The following CAMK2D variants were observed in gnomAD, a reference collection of about 807,000 sequenced individuals.
The protein encoded by CAMK2D is calcium/calmodulin-dependent protein kinase type II subunit delta.
A neutral mutation model predicts 84.0 loss-of-function variants in CAMK2D; 37 were observed. That is an observed-to-expected ratio of 0.44 (90% CI 0.34 to 0.58). The LOEUF (loss-of-function observed/expected upper bound fraction) is 0.58, where lower values mean the gene tolerates loss of function less well. CAMK2D is among the 20% of genes least tolerant of loss of function. The pLI, the probability that CAMK2D is intolerant of heterozygous loss-of-function variation, is 0.02. For missense variants in CAMK2D, 448 were observed against 652.5 expected, an observed-to-expected ratio of 0.69 and a Z score of 3.41; for synonymous variants, 202 against 212.5, an observed-to-expected ratio of 0.95 and a Z score of 0.43.
chr4:113,468,882 A>G (rs2097511287), intron 16 of CAMK2D, among the ~76,000 whole-genome samples: 1 of 152,172 alleles, frequency 6.6e-6, no homozygotes, highest in Admixed American at 6.5e-5. Flanking sequence ...TAATCGCAGG[A>G]AGCTGTTTAC....
intron 3 of CAMK2D, among the ~76,000 whole-genome samples, chr4:113,635,512 G>A (rs954618135): frequency 1.3e-5 from 2 of 152,150 alleles, no homozygotes; most frequent in Non-Finnish European, 2.9e-5. Flanking sequence ...AGGAAAAGGA[G>A]CTTATTTCTG....
intron 2 of CAMK2D, among the ~76,000 whole-genome samples, chr4:113,664,037 AC>A (rs2099248063): frequency 6.6e-6 from 1 of 152,194 alleles, no homozygotes; most frequent in Non-Finnish European, 1.5e-5. Flanking sequence ...TAGTGCACTG[AC>A]ACACACAGAA....
At chr4:113,679,482 T>G (rs2099331903) in intron 2 of CAMK2D, 5 of 958,024 alleles carry the variant, frequency 5.2e-6, no homozygotes, top group Non-Finnish European at 6.2e-6. Context: ...TTCTCCAGTC[T>G]CTGCTTTTTC....
chr4:113,691,025 T>C (rs2099385539), intron 2 of CAMK2D, among the ~76,000 whole-genome samples: 1 of 152,216 alleles, frequency 6.6e-6, no homozygotes, highest in Non-Finnish European at 1.5e-5. Flanking sequence ...AGCAGAGTAA[T>C]TAAGATTCAC....
intron 8 of CAMK2D, among the ~76,000 whole-genome samples, chr4:113,519,104 GA>G (rs1354584185): frequency 6.6e-6 from 1 of 152,038 alleles, no homozygotes; most frequent in African/African-American, 2.4e-5. Flanking sequence ...GAGGCAAGTA[GA>G]AAAAAAGCTG....
At chr4:113,509,757 T>G in intron 12 of CAMK2D, 82 bp from the exon 13 acceptor site, 1 of 959,706 alleles carries the variant, frequency 1.0e-6, no homozygotes, top group African/African-American at 1.6e-5. Context: ...GGTTATTGTC[T>G]CCTTCTACCA....
At chr4:113,740,444 A>G (rs2099590181) in intron 2 of CAMK2D, among the ~76,000 whole-genome samples, 1 of 152,118 alleles carries the variant, frequency 6.6e-6, no homozygotes, top group Non-Finnish European at 1.5e-5. Context: ...ACCTATAGAG[A>G]CAGAAAATAG....
At chr4:113,508,791 A>G (rs1046465682) in intron 13 of CAMK2D, among the ~76,000 whole-genome samples, 5 of 152,338 alleles carry the variant, frequency 3.3e-5, no homozygotes, top group African/African-American at 1.2e-4. Flanking sequence ...TTCAATATGA[A>G]CTGACCACCT....
intron 8 of CAMK2D, among the ~76,000 whole-genome samples, chr4:113,522,493 C>T (rs1186377395): frequency 6.6e-6 from 1 of 152,144 alleles, no homozygotes; most frequent in Non-Finnish European, 1.5e-5. Flanking sequence ...GAACAAAGAG[C>T]TAGAAGATCA....
At chr4:113,709,056 G>C (rs1466091635) in intron 2 of CAMK2D, among the ~76,000 whole-genome samples, 1 of 151,936 alleles carries the variant, frequency 6.6e-6, no homozygotes, top group Non-Finnish European at 1.5e-5. Context: ...TTTTTTAATG[G>C]AACTAAACTA....
At chr4:113,646,748 C>A (rs982126936) in intron 3 of CAMK2D, among the ~76,000 whole-genome samples, 1 of 152,210 alleles carries the variant, frequency 6.6e-6, no homozygotes, top group African/African-American at 2.4e-5. Context: ...GAAGGCCTTG[C>A]AAGCCTTGCA....
chr4:113,605,147 C>T (rs1431789444), intron 4 of CAMK2D, among the ~76,000 whole-genome samples: 4 of 152,232 alleles, frequency 2.6e-5, no homozygotes, highest in Non-Finnish European at 5.9e-5. Flanking sequence ...TGACTCATCA[C>T]AGAAGACAGG....
intron 3 of CAMK2D, among the ~76,000 whole-genome samples, chr4:113,634,007 A>G (rs1436086711): frequency 2.0e-5 from 3 of 152,230 alleles, no homozygotes; most frequent in African/African-American, 7.2e-5. Context: ...GAATGTCTTT[A>G]CTTGCTTTTA....
chr4:113,723,915 G>A (rs1031749728), intron 2 of CAMK2D, among the ~76,000 whole-genome samples: 12 of 152,094 alleles, frequency 7.9e-5, no homozygotes, highest in African/African-American at 2.9e-4. Context: ...TTTTCTTTAT[G>A]AAGTGAATAA....
At chr4:113,581,404 G>T (rs7667819) in intron 4 of CAMK2D, among the ~76,000 whole-genome samples, 109,702 of 151,416 alleles carry the variant, frequency 0.72, 40,022 homozygotes, top group Middle Eastern at 0.78. Flanking sequence ...TCCCAGCTAC[G>T]TGGGAGGCTG....
Position 113,513,476 on chromosome 4 carries a change from T to A in CAMK2D, c.904-106A>T, listed in dbSNP as rs1421338776. On this transcript the variant is annotated intron_variant, in intron 11 of 20. Transcript: ENST00000511664. The stretch of plus-strand genomic sequence containing the variant: ...AATCTTTTCCTGGCCCTACTTTCAG[T>A]TAGGGGATTTTTTATTGTTTGTTTT... 5 of 794,206 alleles carry A rather than the reference T, an allele frequency of 6.3e-6. No homozygotes were observed. The African/African-American group carries it at 7.0e-5, about 11-fold the overall frequency. The allele number at this position is 794,206 out of a possible 1,614,324, so 49.2% of individuals were successfully genotyped here.
At chr4:113,525,507 G>A (rs1388881513) in intron 8 of CAMK2D, among the ~76,000 whole-genome samples, 1 of 152,118 alleles carries the variant, frequency 6.6e-6, no homozygotes, top group Non-Finnish European at 1.5e-5. Flanking sequence ...CTTCATTAAT[G>A]TTTATTATTT....
At chr4:113,729,072 A>C (rs1360971672) in intron 2 of CAMK2D, among the ~76,000 whole-genome samples, 1 of 152,176 alleles carries the variant, frequency 6.6e-6, no homozygotes, top group Non-Finnish European at 1.5e-5. Flanking sequence ...CAATGGAAAG[A>C]CACAGGATTG....
chr4:113,699,367 A>T (rs2099411705), intron 2 of CAMK2D, among the ~76,000 whole-genome samples: 1 of 152,154 alleles, frequency 6.6e-6, no homozygotes, highest in Admixed American at 6.6e-5. Flanking sequence ...GAAAAAAGTG[A>T]CATATTTAAG....
Sources: gnomAD v4.1 joint callset for allele counts (sites outside exome capture counted in the v4.1 genomes callset) on GRCh38, gnomAD v4.1.1 for gene constraint, MANE v1.5 for transcripts, NCBI Gene and HGNC (gene_info 2026-07-23, HGNC 2026-07-21) for gene names.